Variants in MCPH1 observed in about 807,000 individuals in gnomAD.
MCPH1 encodes the protein microcephalin 1.
Under a neutral mutation model 84.5 loss-of-function variants are expected in MCPH1, and 104 were observed. The observed-to-expected ratio is 1.23, with a 90% CI of 1.05 to 1.45. The LOEUF (loss-of-function observed/expected upper bound fraction) is 1.45. MCPH1 is among the 40% of genes most tolerant of loss of function. The probability of loss-of-function intolerance (pLI) is 0.00; values close to 1 mark genes in which losing one functional copy is unlikely to be tolerated. For synonymous variants in MCPH1, 514 were observed against 366.8 expected, an observed-to-expected ratio of 1.40 and a Z score of -4.58; for missense variants, 1,498 against 1,005.7, an observed-to-expected ratio of 1.49 and a Z score of -6.62.
chr8:6,639,182 TG>T (rs1797763113), intron 13 of MCPH1, among the ~76,000 whole-genome samples: 1 of 152,040 alleles, frequency 6.6e-6, no homozygotes, highest in Admixed American at 6.6e-5. Flanking sequence ...GATGGTTGGA[TG>T]GATGGGTAGA....
chr8:6,550,585 G>T (rs992715386), intron 12 of MCPH1, among the ~76,000 whole-genome samples: 2 of 152,218 alleles, frequency 1.3e-5, no homozygotes, highest in African/African-American at 4.8e-5. Context: ...TGGTGTGACA[G>T]CTGTGGGCTG....
intron 13 of MCPH1, chr8:6,627,230 G>T (rs1586863716): frequency 2.0e-6 from 2 of 985,420 alleles, no homozygotes; most frequent in South Asian, 4.7e-5. Context: ...AGATATGTGA[G>T]GCTTGATCAG....
At chr8:6,566,942 CCGTGTGT>C (rs1826221888) in intron 12 of MCPH1, among the ~76,000 whole-genome samples, 1 of 146,296 alleles carries the variant, frequency 6.8e-6, no homozygotes, top group Admixed American at 6.7e-5. Context: ...GGTGCGGTGA[CCGTGTGT>C]GATCGGCAAG....
At chr8:6,445,644 C>T (rs1047618492) in intron 8 of MCPH1, 97 bp downstream of exon 8, 22 of 1,483,182 alleles carry the variant, frequency 1.5e-5, no homozygotes, top group East Asian at 9.6e-5. Flanking sequence ...TAACTTATTT[C>T]CCCATTTACT....
At position 6,444,923 on chromosome 8, in the gene MCPH1, G is replaced by T. The variant is rs1385627516; in HGVS notation, c.1201G>T (p.Ala401Ser). The change falls in exon 8 of 14, where the codon GCC becomes TCC. Residue 401 changes from alanine to serine, a missense_variant. Ala to Ser is a moderately conservative substitution (Grantham distance 99, BLOSUM62 1). Transcript: ENST00000344683. ...CAGGCTGCAGCACGTGGCGGGACCTGCCCTGGAGGCTCTTAGCTGTGGGGA... is the reference window on the plus strand; with the variant it reads ...CAGGCTGCAGCACGTGGCGGGACCTTCCCTGGAGGCTCTTAGCTGTGGGGA... ...EDRLQHVAGP[A>S]LEALSCGESS... 1 of 1,614,030 alleles carries T rather than the reference G, an allele frequency of 6.2e-7. No individual in the cohort carries two copies. The highest frequency in any genetic ancestry group is 8.5e-7 in the Non-Finnish European group (1 of 1,180,006).
chr8:6,497,847 T>C (rs967943332), intron 11 of MCPH1, among the ~76,000 whole-genome samples: 7 of 152,226 alleles, frequency 4.6e-5, no homozygotes, highest in African/African-American at 1.4e-4. Flanking sequence ...ATATAATAGA[T>C]ACATTGATTT....
At chr8:6,499,447 C>T (rs1253163855) in intron 11 of MCPH1, among the ~76,000 whole-genome samples, 1 of 152,116 alleles carries the variant, frequency 6.6e-6, no homozygotes, top group Non-Finnish European at 1.5e-5. Flanking sequence ...TGAATTTAGG[C>T]TTGTGATCCA....
intron 3 of MCPH1, among the ~76,000 whole-genome samples, chr8:6,429,972 T>G (rs185808019): frequency 1.3e-5 from 2 of 152,188 alleles, no homozygotes; most frequent in East Asian, 3.8e-4. Context: ...GTCTCCTAAG[T>G]TGCATTCATT....
At chr8:6,440,513 C>T (rs990171807) in intron 6 of MCPH1, among the ~76,000 whole-genome samples, 2 of 152,158 alleles carry the variant, frequency 1.3e-5, no homozygotes, top group African/African-American at 2.4e-5. Flanking sequence ...GTGTGTGCCA[C>T]GATCCCTGGC....
chr8:6,488,979 A>C (rs1311099471), intron 11 of MCPH1, among the ~76,000 whole-genome samples: 1 of 152,064 alleles, frequency 6.6e-6, no homozygotes, highest in Admixed American at 6.6e-5. Flanking sequence ...GGAATGGAGA[A>C]GTCAAGAAGA....
chr8:6,630,386 A>G (rs190252983), intron 13 of MCPH1, among the ~76,000 whole-genome samples: 6 of 152,360 alleles, frequency 3.9e-5, no homozygotes, highest in African/African-American at 1.4e-4. Flanking sequence ...AATAAATTTG[A>G]AAACAGGTAA....
intron 12 of MCPH1, among the ~76,000 whole-genome samples, chr8:6,503,865 C>T (rs1586166147): frequency 1.3e-5 from 2 of 152,178 alleles, no homozygotes; most frequent in African/African-American, 2.4e-5. Flanking sequence ...GCCCCATCTG[C>T]ACCTTAATTT....
chr8:6,413,712 T>C (rs1798851121), intron 2 of MCPH1, among the ~76,000 whole-genome samples: 1 of 152,194 alleles, frequency 6.6e-6, no homozygotes. Flanking sequence ...TAGGATCCTA[T>C]TAAAAAATAA....
intron 11 of MCPH1, among the ~76,000 whole-genome samples, chr8:6,484,637 G>C (rs1809638984): frequency 6.6e-6 from 1 of 152,240 alleles, no homozygotes; most frequent in East Asian, 1.9e-4. Flanking sequence ...CCTCCAGTGG[G>C]TGAATGGATC....
In MCPH1 at chr8:6,406,633, C is replaced by A. The variant is rs766469448; in HGVS notation, c.-35C>A. The stretch of plus-strand genomic sequence containing the variant: ...CGCGCGCCGCCAGGCTCGCAAGCAC[C>A]GCGTAGGCCAGCTGGCCGGATCCCG... On this transcript the variant is annotated 5_prime_UTR_variant, in exon 1 of 14. Coordinates refer to ENST00000344683, the MANE Select transcript of MCPH1 (RefSeq NM_024596.5). 3 of 1,609,524 alleles carry A rather than the reference C, an allele frequency of 1.9e-6. No homozygotes were observed. The highest frequency in any genetic ancestry group is 1.3e-5 in the African/African-American group (1 of 74,926).
chr8:6,427,157 A>G (rs1801178860), intron 3 of MCPH1, among the ~76,000 whole-genome samples: 2 of 152,198 alleles, frequency 1.3e-5, no homozygotes, highest in African/African-American at 4.8e-5. Flanking sequence ...GAGTAAAAAT[A>G]TGGTATAAAA....
At chr8:6,450,480 G>A (rs1289146383) in intron 8 of MCPH1, among the ~76,000 whole-genome samples, 1 of 149,514 alleles carries the variant, frequency 6.7e-6, no homozygotes, top group Admixed American at 6.8e-5. Flanking sequence ...TTAAGCCTTG[G>A]ATACCACCTC....
At chr8:6,406,785 CG>C (rs1797756409) in intron 1 of MCPH1, 96 bp downstream of exon 1, 1 of 1,371,458 alleles carries the variant, frequency 7.3e-7, no homozygotes, top group African/African-American at 1.4e-5. Context: ...GGAGGAGCCC[CG>C]CTCGCCCCTC....
intron 12 of MCPH1, among the ~76,000 whole-genome samples, chr8:6,527,927 G>A (rs982482772): frequency 2.9e-5 from 4 of 138,162 alleles, no homozygotes; most frequent in African/African-American, 8.0e-5. Context: ...ATGGAATCTC[G>A]CTCCATTGCC....
Sources: gnomAD v4.1 joint callset for allele counts (sites outside exome capture counted in the v4.1 genomes callset) on GRCh38, gnomAD v4.1.1 for gene constraint, MANE v1.5 for transcripts, NCBI Gene and HGNC (gene_info 2026-07-23, HGNC 2026-07-21) for gene names.